The following ADAMTSL1 variants were observed in gnomAD, a reference collection of about 807,000 sequenced individuals.
ADAMTSL1 encodes the protein ADAMTS-like protein 1.
In ADAMTSL1, 126 loss-of-function variants were observed where a neutral mutation model predicts 201.8. The observed-to-expected ratio is 0.62, with a 90% CI of 0.54 to 0.72. ADAMTSL1 has a LOEUF of 0.72. Ranked by LOEUF, ADAMTSL1 falls within the 30% of genes least tolerant of loss-of-function variation. The pLI, the probability that ADAMTSL1 is intolerant of heterozygous loss-of-function variation, is 0.00. For synonymous variants in ADAMTSL1, 1,121 were observed against 903.4 expected (o/e 1.24, Z -4.32); for missense variants, 2,679 against 2,277.8 (o/e 1.18, Z -3.59).
intron 2 of ADAMTSL1, among the ~76,000 whole-genome samples, chr9:18,532,737 C>G (rs980557638): frequency 6.6e-6 from 1 of 150,910 alleles, no homozygotes; most frequent in African/African-American, 2.4e-5. Flanking sequence ...GGTAATCTGT[C>G]TTTTCCAAAA....
intron 1 of ADAMTSL1, among the ~76,000 whole-genome samples, chr9:18,008,919 T>C (rs1395662289): frequency 1.3e-5 from 2 of 152,000 alleles, no homozygotes; most frequent in African/African-American, 4.8e-5. Context: ...TGTTGATCAT[T>C]AGATCGTTTG....
intron 13 of ADAMTSL1, among the ~76,000 whole-genome samples, chr9:18,704,769 T>C (rs1832132827): frequency 6.6e-6 from 1 of 152,150 alleles, no homozygotes; most frequent in African/African-American, 2.4e-5. Context: ...TAGGATACCA[T>C]TTTTTTCCAA....
chr9:18,424,075 A>C (rs1819086069), intron 2 of ADAMTSL1, among the ~76,000 whole-genome samples: 1 of 152,382 alleles, frequency 6.6e-6, no homozygotes, highest in Admixed American at 6.5e-5. Context: ...ACCTCAAAGA[A>C]ATCACTTTAG....
intron 2 of ADAMTSL1, among the ~76,000 whole-genome samples, chr9:18,166,650 A>C (rs2132106007): frequency 6.6e-6 from 1 of 152,050 alleles, no homozygotes; most frequent in Admixed American, 6.6e-5. Context: ...GGACAGAAGT[A>C]GCATTAACTC....
intron 26 of ADAMTSL1, among the ~76,000 whole-genome samples, chr9:18,903,325 C>A (rs1359844): frequency 6.6e-6 from 1 of 151,494 alleles, no homozygotes; most frequent in South Asian, 2.1e-4. Context: ...GTTATATACA[C>A]AATACATAGT....
intron 1 of ADAMTSL1, among the ~76,000 whole-genome samples, chr9:18,480,072 A>T (rs1821646035): frequency 6.6e-6 from 1 of 152,208 alleles, no homozygotes; most frequent in Non-Finnish European, 1.5e-5. Context: ...TAGTTCTCAA[A>T]TATTTTTCCT....
intron 1 of ADAMTSL1, among the ~76,000 whole-genome samples, chr9:18,479,994 A>G (rs1196499972): frequency 6.6e-6 from 1 of 152,216 alleles, no homozygotes; most frequent in African/African-American, 2.4e-5. Context: ...CTGAACAACA[A>G]TTAACCCCTT....
chr9:18,855,728 G>T (rs974816734), intron 23 of ADAMTSL1, among the ~76,000 whole-genome samples: 1 of 152,180 alleles, frequency 6.6e-6, no homozygotes, highest in Non-Finnish European at 1.5e-5. Context: ...TCTGTTGGCA[G>T]TGCCTGCTCA....
intron 11 of ADAMTSL1, 21 bp downstream of exon 11, chr9:18,680,537 T>G (rs1830408166): frequency 6.2e-7 from 1 of 1,612,562 alleles, no homozygotes; most frequent in Non-Finnish European, 8.5e-7. Flanking sequence ...CTTCTTTCTT[T>G]GTTCATTAGG....
chr9:18,223,137 C>T (rs985669538), intron 2 of ADAMTSL1, among the ~76,000 whole-genome samples: 15 of 152,050 alleles, frequency 9.9e-5, no homozygotes, highest in African/African-American at 3.4e-4. Context: ...TCTGCTTCTT[C>T]TTCATTATCA....
intron 1 of ADAMTSL1, among the ~76,000 whole-genome samples, chr9:17,917,271 C>T (rs760505909): frequency 7.2e-5 from 11 of 152,022 alleles, no homozygotes; most frequent in Middle Eastern, 3.2e-3. Flanking sequence ...ACACTACCTT[C>T]GAACCTCCAG....
At chr9:18,028,299 T>C (rs1820787477) in intron 1 of ADAMTSL1, among the ~76,000 whole-genome samples, 1 of 152,150 alleles carries the variant, frequency 6.6e-6, no homozygotes, top group African/African-American at 2.4e-5. Context: ...TGTTCCTTTG[T>C]TTCTATCTTT....
chr9:18,092,360 A>G (rs929246917), intron 1 of ADAMTSL1, among the ~76,000 whole-genome samples: 1 of 152,188 alleles, frequency 6.6e-6, no homozygotes, highest in Non-Finnish European at 1.5e-5. Flanking sequence ...TTATTGGGTC[A>G]TAAAGAATGA....
At chr9:18,834,935 A>G (rs1158601186) in intron 23 of ADAMTSL1, among the ~76,000 whole-genome samples, 1 of 152,220 alleles carries the variant, frequency 6.6e-6, no homozygotes, top group African/African-American at 2.4e-5. Context: ...ATTCATGTAC[A>G]TTAATCTTTG....
intron 4 of ADAMTSL1, among the ~76,000 whole-genome samples, chr9:18,606,551 C>T (rs1825022977): frequency 6.6e-6 from 1 of 152,164 alleles, no homozygotes; most frequent in African/African-American, 2.4e-5. Flanking sequence ...TGAAAGTCCC[C>T]TGGTATATTA....
At chr9:18,166,693 T>A (rs1827646996) in intron 2 of ADAMTSL1, among the ~76,000 whole-genome samples, 1 of 151,930 alleles carries the variant, frequency 6.6e-6, no homozygotes. Flanking sequence ...CAGGTGAAAG[T>A]ACTGCTATTC....
intron 2 of ADAMTSL1, among the ~76,000 whole-genome samples, chr9:18,229,758 C>T (rs1170299606): frequency 6.6e-6 from 1 of 151,158 alleles, no homozygotes; most frequent in African/African-American, 2.4e-5. Context: ...TGCAATGTTG[C>T]GATCTTGGCT....
At chr9:18,069,281 T>C (rs574826511) in intron 1 of ADAMTSL1, among the ~76,000 whole-genome samples, 1 of 152,320 alleles carries the variant, frequency 6.6e-6, no homozygotes, top group East Asian at 1.9e-4. Context: ...GAAGAAAATA[T>C]ACAACTTATT....
In ADAMTSL1 at chr9:18,896,473, C is replaced by T. The variant is rs548481609; in HGVS notation, c.4851+3877C>T. 2.8e-3 allele frequency among the ~76,000 whole-genome samples: 427 copies of T among 150,292 alleles called. 2 individuals carry two copies. Among genetic ancestry groups the T allele is most frequent in the African/African-American group, 9.8e-3 (403 of 41,160 alleles). The stretch of plus-strand genomic sequence containing the variant: ...GCTGATTAGAAGCAGCTGCAGTCCA[C>T]AGCTCTCACAGAGAGGAATGAAAAT... On this transcript the variant is annotated intron_variant, in intron 26 of 28. Transcript: ENST00000380548.
Sources: allele counts gnomAD v4.1 joint callset (sites outside exome capture counted in the v4.1 genomes callset), GRCh38; gene constraint gnomAD v4.1.1; transcripts MANE v1.5; gene names NCBI Gene and HGNC (gene_info 2026-07-23, HGNC 2026-07-21).